The following LINGO2 variants were observed in gnomAD, a reference collection of about 807,000 sequenced individuals.
LINGO2 encodes leucine rich repeat and Ig domain containing 2, also known as leucine-rich repeat and immunoglobulin-like domain-containing nogo receptor-interacting protein 2.
A neutral mutation model predicts 30.6 loss-of-function variants in LINGO2; 14 were observed. That is an observed-to-expected ratio of 0.46 (90% CI 0.30 to 0.72). The LOEUF is 0.72. LINGO2 is among the 30% of genes least tolerant of loss of function. The pLI is 0.07. For missense variants in LINGO2, 729 were observed against 751.7 expected (o/e 0.97, Z 0.35); for synonymous variants, 317 against 288.5 (o/e 1.10, Z -1.00).
chr9:27,970,154 A>G (rs1820286001), intron 5 of LINGO2, among the ~76,000 whole-genome samples: 1 of 152,278 alleles, frequency 6.6e-6, no homozygotes, highest in Admixed American at 6.5e-5. Context: ...TATACCACAC[A>G]CACTGGGATG....
the LINGO2 span, among the ~76,000 whole-genome samples, chr9:28,953,286 A>G: frequency 6.6e-6 from 1 of 152,184 alleles, no homozygotes; most frequent in African/African-American, 2.4e-5. Context: ...ATGAGGAGAT[A>G]GAAAGTTGTC....
the LINGO2 span, among the ~76,000 whole-genome samples, chr9:28,864,299 CAAGT>C: frequency 6.6e-6 from 1 of 151,876 alleles, no homozygotes; most frequent in Non-Finnish European, 1.5e-5. Context: ...GATATTTGTC[CAAGT>C]AAGTATTTTT....
At chr9:28,045,727 TA>T (rs75684020) in intron 4 of LINGO2, among the ~76,000 whole-genome samples, 5,392 of 152,210 alleles carry the variant, frequency 0.035, 144 homozygotes, top group East Asian at 0.078. Context: ...TTTTCACAGG[TA>T]CTATGCTAAG....
intron 5 of LINGO2, among the ~76,000 whole-genome samples, chr9:27,957,127 A>C (rs977690130): frequency 1.3e-5 from 2 of 152,038 alleles, no homozygotes; most frequent in Non-Finnish European, 2.9e-5. Flanking sequence ...AATAAAAATA[A>C]ATACTTTCTT....
chr9:28,358,605 G>A (rs924445616), intron 3 of LINGO2, among the ~76,000 whole-genome samples: 10 of 152,116 alleles, frequency 6.6e-5, no homozygotes, highest in African/African-American at 2.4e-4. Flanking sequence ...CATGACCTCT[G>A]GAACCAGGCA....
intron 4 of LINGO2, among the ~76,000 whole-genome samples, chr9:28,076,793 T>A (rs1203719514): frequency 6.6e-6 from 1 of 152,166 alleles, no homozygotes; most frequent in African/African-American, 2.4e-5. Context: ...GGCTTCTGGA[T>A]TCCACAGTTG....
At chr9:28,981,941 A>AAGAT in the LINGO2 span, among the ~76,000 whole-genome samples, 14 of 152,092 alleles carry the variant, frequency 9.2e-5, no homozygotes, top group African/African-American at 3.1e-4. Context: ...TGCCTTCCTC[A>AAGAT]AGATCACACT....
At chr9:29,104,191 G>C in the LINGO2 span, among the ~76,000 whole-genome samples, 1 of 152,204 alleles carries the variant, frequency 6.6e-6, no homozygotes, top group African/African-American at 2.4e-5. Context: ...GATATGGTTT[G>C]GCTCTGCATC....
chr9:28,905,635 T>C, the LINGO2 span, among the ~76,000 whole-genome samples: 3 of 152,034 alleles, frequency 2.0e-5, no homozygotes, highest in Non-Finnish European at 4.4e-5. Flanking sequence ...TGAGAATAGA[T>C]GCTATAAAAA....
At chr9:28,458,019 A>G (rs1824921100) in intron 2 of LINGO2, among the ~76,000 whole-genome samples, 1 of 152,170 alleles carries the variant, frequency 6.6e-6, no homozygotes, top group Admixed American at 6.5e-5. Context: ...GACTATAATT[A>G]TCAATTTCTT....
chr9:29,138,060 A>G, the LINGO2 span, among the ~76,000 whole-genome samples: 3 of 151,946 alleles, frequency 2.0e-5, no homozygotes, highest in Admixed American at 6.6e-5. Flanking sequence ...CTCTACTTCT[A>G]TAGTTTGCTT....
At chr9:28,075,169 A>G (rs1366251223) in intron 4 of LINGO2, among the ~76,000 whole-genome samples, 4 of 151,868 alleles carry the variant, frequency 2.6e-5, no homozygotes, top group Non-Finnish European at 4.4e-5. Flanking sequence ...GGCTTGAAAT[A>G]GTGTTTAGTT....
At chr9:28,273,414 G>A (rs997028508) in intron 4 of LINGO2, among the ~76,000 whole-genome samples, 19 of 152,152 alleles carry the variant, frequency 1.2e-4, no homozygotes, top group African/African-American at 3.4e-4. Context: ...AGAAAGCCAC[G>A]GAAACTCTCT....
chr9:28,462,317 A>AT (rs904816539), intron 2 of LINGO2, among the ~76,000 whole-genome samples: 10 of 151,060 alleles, frequency 6.6e-5, no homozygotes, highest in African/African-American at 1.9e-4. Flanking sequence ...ATTTTTAACA[A>AT]TTTTTTTACA....
chr9:28,076,175 T>A, intron 4 of LINGO2, among the ~76,000 whole-genome samples: 1 of 152,116 alleles, frequency 6.6e-6, no homozygotes, highest in Admixed American at 6.5e-5. Flanking sequence ...CAAATTATAT[T>A]TTCAGAGCCT....
chr9:28,523,846 C>T (rs914089740), intron 1 of LINGO2, among the ~76,000 whole-genome samples: 10 of 147,570 alleles, frequency 6.8e-5, no homozygotes, highest in Non-Finnish European at 1.0e-4. Context: ...CAATTCCGTA[C>T]GAATTGATCA....
chr9:29,063,266 A>C, the LINGO2 span, among the ~76,000 whole-genome samples: 1 of 152,198 alleles, frequency 6.6e-6, no homozygotes, highest in Admixed American at 6.5e-5. Context: ...ACAGCTGCAG[A>C]AACAACAGAG....
intron 1 of LINGO2, among the ~76,000 whole-genome samples, chr9:28,620,205 A>G (rs1826329795): frequency 6.6e-6 from 1 of 152,128 alleles, no homozygotes; most frequent in Admixed American, 6.6e-5. Flanking sequence ...CAGGTGATTC[A>G]AGCTGCAAGA....
At chr9:28,558,365 G>A (rs968911711) in intron 1 of LINGO2, among the ~76,000 whole-genome samples, 1 of 151,956 alleles carries the variant, frequency 6.6e-6, no homozygotes, top group Non-Finnish European at 1.5e-5. Flanking sequence ...ATCTCAATAA[G>A]AGGGGAGAGT....
Sources: allele counts gnomAD v4.1 joint callset (sites outside exome capture counted in the v4.1 genomes callset), GRCh38; gene constraint gnomAD v4.1.1; transcripts MANE v1.5; gene names NCBI Gene and HGNC (gene_info 2026-07-23, HGNC 2026-07-21).